GRM8: variants seen among roughly 807,000 people sequenced by gnomAD.
GRM8 encodes metabotropic glutamate receptor 8.
GRM8 carries 47 observed loss-of-function variants against 87.2 expected under a neutral mutation model. The ratio of observed to expected loss-of-function variants is 0.54; its 90% CI spans 0.43 to 0.69. The LOEUF (loss-of-function observed/expected upper bound fraction) is 0.69, where lower values mean the gene tolerates loss of function less well. GRM8 is among the 30% of genes least tolerant of loss of function. The pLI is 0.00. For synonymous variants in GRM8, 396 were observed against 404.5 expected, an observed-to-expected ratio of 0.98 and a Z score of 0.25; for missense variants, 1,019 against 1,139.2, an observed-to-expected ratio of 0.89 and a Z score of 1.52.
At chr7:126,883,149 C>G (rs892053666) in intron 6 of GRM8, among the ~76,000 whole-genome samples, 3 of 152,160 alleles carry the variant, frequency 2.0e-5, no homozygotes, top group African/African-American at 7.2e-5. Context: ...ACTCGAGAAG[C>G]TTCGCAGATA....
chr7:126,597,555 G>A (rs566649596), intron 8 of GRM8, among the ~76,000 whole-genome samples: 19 of 151,996 alleles, frequency 1.3e-4, no homozygotes, highest in African/African-American at 4.6e-4. Flanking sequence ...TACTTGTTAT[G>A]TTAAAATTGT....
chr7:127,129,966 G>A (rs903030866), intron 2 of GRM8, among the ~76,000 whole-genome samples: 1 of 152,146 alleles, frequency 6.6e-6, no homozygotes, highest in African/African-American at 2.4e-5. Flanking sequence ...ATGTGTGAGG[G>A]AGGAACCTGG....
chr7:126,598,087 C>A (rs151028848), intron 8 of GRM8, among the ~76,000 whole-genome samples: 1,999 of 152,140 alleles, frequency 0.013, 21 homozygotes, highest in Middle Eastern at 0.024. Context: ...CTCCTCCCTG[C>A]CTTTGCTAAC....
At chr7:126,541,416 G>C (rs1295828116) in intron 8 of GRM8, among the ~76,000 whole-genome samples, 1 of 152,218 alleles carries the variant, frequency 6.6e-6, no homozygotes, top group African/African-American at 2.4e-5. Flanking sequence ...CAAGAAACAG[G>C]CCAGGAAAGA....
intron 3 of GRM8, among the ~76,000 whole-genome samples, chr7:127,071,960 C>T (rs17867045): frequency 0.012 from 1,859 of 152,094 alleles, 42 homozygotes; most frequent in African/African-American, 0.042. Context: ...ATGTGGAATG[C>T]CACTGATACC....
At chr7:127,044,540 A>C (rs1818746341) in intron 3 of GRM8, among the ~76,000 whole-genome samples, 1 of 152,070 alleles carries the variant, frequency 6.6e-6, no homozygotes, top group Admixed American at 6.5e-5. Context: ...CTCAGTAGGT[A>C]CTCTTTTGAA....
At chr7:126,723,394 G>A (rs962830875) in intron 7 of GRM8, among the ~76,000 whole-genome samples, 3 of 152,080 alleles carry the variant, frequency 2.0e-5, no homozygotes, top group Non-Finnish European at 2.9e-5. Flanking sequence ...TGCGGCCAAC[G>A]GAACAGGCCT....
At chr7:126,614,638 C>T (rs904174248) in intron 7 of GRM8, among the ~76,000 whole-genome samples, 4 of 152,106 alleles carry the variant, frequency 2.6e-5, no homozygotes, top group African/African-American at 4.8e-5. Context: ...AAAGATTAGA[C>T]AAATGGCTAA....
At chr7:126,497,790 C>T (rs899070400) in intron 9 of GRM8, among the ~76,000 whole-genome samples, 3 of 151,890 alleles carry the variant, frequency 2.0e-5, no homozygotes, top group African/African-American at 2.4e-5. Flanking sequence ...AAATGATAGG[C>T]AGTAGTAACC....
intron 9 of GRM8, among the ~76,000 whole-genome samples, chr7:126,487,290 A>C (rs550258847): frequency 3.3e-5 from 5 of 151,912 alleles, no homozygotes; most frequent in Non-Finnish European, 7.4e-5. Flanking sequence ...TGGTTGAAAA[A>C]TTGAGACGTA....
chr7:126,700,281 G>T (rs1393914906), intron 7 of GRM8, among the ~76,000 whole-genome samples: 1 of 151,904 alleles, frequency 6.6e-6, no homozygotes, highest in Non-Finnish European at 1.5e-5. Context: ...AAACCATGTT[G>T]GACGCAAAAT....
chr7:126,660,842 A>C (rs1309865253), intron 7 of GRM8, among the ~76,000 whole-genome samples: 1 of 152,218 alleles, frequency 6.6e-6, no homozygotes, highest in South Asian at 2.1e-4. Context: ...GGAAAGTCCA[A>C]GGTGAACTTT....
chr7:127,181,933 G>T (rs1488968663), intron 2 of GRM8, among the ~76,000 whole-genome samples: 1 of 152,022 alleles, frequency 6.6e-6, no homozygotes. Flanking sequence ...CATTGGCTTA[G>T]GCAAGGATTT....
chr7:127,169,361 T>G (rs1246597427), intron 2 of GRM8, among the ~76,000 whole-genome samples: 1 of 152,204 alleles, frequency 6.6e-6, no homozygotes, highest in East Asian at 1.9e-4. Context: ...TTAACTCTCT[T>G]CAATTCTATG....
At chr7:126,801,766 C>T (rs1158625056) in intron 6 of GRM8, among the ~76,000 whole-genome samples, 3 of 151,958 alleles carry the variant, frequency 2.0e-5, no homozygotes, top group African/African-American at 7.3e-5. Context: ...GTAGAGAGGG[C>T]TCACCCTTTC....
intron 8 of GRM8, among the ~76,000 whole-genome samples, chr7:126,586,449 C>T (rs1267002712): frequency 6.6e-6 from 1 of 152,114 alleles, no homozygotes; most frequent in African/African-American, 2.4e-5. Context: ...GCTATAGTAA[C>T]CAAAACAGCA....
At chr7:127,022,703 CATT>C (rs1223030475) in intron 3 of GRM8, among the ~76,000 whole-genome samples, 1 of 152,028 alleles carries the variant, frequency 6.6e-6, no homozygotes, top group Non-Finnish European at 1.5e-5. Flanking sequence ...AAAAAAATCT[CATT>C]AATTGTAATG....
At chr7:126,763,442 CATATATATATATATATAT>C (rs750564318) in intron 7 of GRM8, among the ~76,000 whole-genome samples, 1 of 119,902 alleles carries the variant, frequency 8.3e-6, no homozygotes, top group Non-Finnish European at 1.7e-5. Context: ...ATGATAAATT[CATATATATATATATATAT>C]ATATATATAT....
Position 126,958,452 on chromosome 7 carries a change from G to A in GRM8, c.728-53769C>T, listed in dbSNP as rs117613566. On this transcript the variant is annotated intron_variant, in intron 3 of 10. Transcript: ENST00000339582. ...CCACAGCAGAAGCCGCTTGCGGTAT[G>A]TCTGGTCCAGCCGCAGCCTTGCACA... is the stretch of plus-strand genomic sequence containing the variant. 9.4e-3 allele frequency among the ~76,000 whole-genome samples: 1,436 copies of A among 152,294 alleles called. 10 individuals carry two copies. Among genetic ancestry groups the A allele is most frequent in the Middle Eastern group, 0.024 (7 of 294 alleles).
Sources: gnomAD v4.1 joint callset for allele counts (sites outside exome capture counted in the v4.1 genomes callset) on GRCh38, gnomAD v4.1.1 for gene constraint, MANE v1.5 for transcripts, NCBI Gene and HGNC (gene_info 2026-07-23, HGNC 2026-07-21) for gene names.